The following TTC28 variants were observed in gnomAD, a reference collection of about 807,000 sequenced individuals.
TTC28 encodes the protein tetratricopeptide repeat protein 28.
In TTC28, 61 loss-of-function variants were observed where a neutral mutation model predicts 198.0. The ratio of observed to expected loss-of-function variants is 0.31; its 90% CI spans 0.25 to 0.38. The LOEUF (loss-of-function observed/expected upper bound fraction) is 0.38. TTC28 is among the 10% of genes least tolerant of loss of function. The probability of loss-of-function intolerance (pLI) is 1.00; values close to 1 mark genes in which losing one functional copy is unlikely to be tolerated. For synonymous variants in TTC28, 1,171 were observed against 1,297.8 expected, an observed-to-expected ratio of 0.90 and a Z score of 2.10; for missense variants, 2,678 against 3,164.0, an observed-to-expected ratio of 0.85 and a Z score of 3.69.
intron 6 of TTC28, among the ~76,000 whole-genome samples, chr22:28,149,620 C>G (rs775011538): frequency 1.3e-5 from 2 of 152,164 alleles, no homozygotes; most frequent in Admixed American, 6.5e-5. Flanking sequence ...TCATCAATAT[C>G]ATTGCTTCCA....
chr22:28,005,031 C>A lies in TTC28; in HGVS notation c.4219-3478G>T, dbSNP rs999147788. ...CAACTACCAGAGTCTCCAACAGATTCCATCAAAGACTCAGATGTTCTGACC... is the reference window on the plus strand; with the variant it reads ...CAACTACCAGAGTCTCCAACAGATTACATCAAAGACTCAGATGTTCTGACC... On this transcript the variant is annotated intron_variant, in intron 14 of 22. Transcript: ENST00000397906. This position sits in a 1 kb window ranked among gnomAD's most constrained non-coding sequence, Gnocchi z 4.9. 6.6e-6 allele frequency among the ~76,000 whole-genome samples: 1 copy of A among 152,182 alleles called. No individual in the cohort carries two copies. The highest frequency in any genetic ancestry group is 1.5e-5 in the Non-Finnish European group (1 of 68,028).
chr22:28,042,562 C>A (rs944347808), intron 12 of TTC28, among the ~76,000 whole-genome samples: 52 of 152,010 alleles, frequency 3.4e-4, no homozygotes, highest in African/African-American at 1.3e-3. Flanking sequence ...CAGGGAACAT[C>A]ATACACTGGG....
intron 12 of TTC28, among the ~76,000 whole-genome samples, chr22:28,038,040 C>T (rs1392160523): frequency 1.3e-5 from 2 of 152,186 alleles, no homozygotes; most frequent in Non-Finnish European, 2.9e-5. Context: ...AATGGAAGAA[C>T]ATTCCATGCT....
intron 1 of TTC28, among the ~76,000 whole-genome samples, chr22:28,655,660 G>A (rs781200354): frequency 3.9e-5 from 6 of 152,118 alleles, no homozygotes; most frequent in African/African-American, 1.4e-4. Context: ...TCAGGAGATC[G>A]TGACCACGGT....
intron 17 of TTC28, among the ~76,000 whole-genome samples, chr22:27,993,729 G>T (rs1048403702): frequency 6.6e-6 from 1 of 152,146 alleles, no homozygotes; most frequent in Non-Finnish European, 1.5e-5. Flanking sequence ...TACCATCAGA[G>T]CCCTCGAGGG....
intron 6 of TTC28, among the ~76,000 whole-genome samples, chr22:28,114,841 C>T (rs1942589334): frequency 6.6e-6 from 1 of 152,166 alleles, no homozygotes; most frequent in Non-Finnish European, 1.5e-5. Flanking sequence ...CTGCCTTGGC[C>T]TCCTAAAGCA....
chr22:28,622,055 T>A (rs1438788512), intron 2 of TTC28, among the ~76,000 whole-genome samples: 1 of 152,152 alleles, frequency 6.6e-6, no homozygotes, highest in Non-Finnish European at 1.5e-5. Context: ...CTGAAAGTAC[T>A]AACGAGTGAA....
intron 21 of TTC28, among the ~76,000 whole-genome samples, chr22:27,986,712 C>T (rs1414226724): frequency 1.3e-5 from 2 of 152,182 alleles, no homozygotes; most frequent in East Asian, 1.9e-4. Flanking sequence ...GAAACCCCTC[C>T]GTCTCTCTAT....
At chr22:28,637,411 AC>A (rs2051293190) in intron 1 of TTC28, among the ~76,000 whole-genome samples, 1 of 152,192 alleles carries the variant, frequency 6.6e-6, no homozygotes, top group African/African-American at 2.4e-5. Context: ...TTTTCCCAGG[AC>A]CATATATGTT....
intron 2 of TTC28, among the ~76,000 whole-genome samples, chr22:28,363,040 TAAG>T (rs1703213701): frequency 6.6e-6 from 1 of 152,058 alleles, no homozygotes; most frequent in African/African-American, 2.4e-5. Context: ...GAAATTTGCA[TAAG>T]TAACAAGGAT....
In TTC28 at chr22:28,108,274, T is replaced by A. The variant is rs545205650; in HGVS notation, c.1571A>T (p.Tyr524Phe). ...GRAYGNMGNAYNALGMYDQAV... is the reference protein window; with the variant it reads ...GRAYGNMGNAFNALGMYDQAV... Reference sequence around the variant, plus strand: ...CTGGTCGTACATGCCCAGGGCATTGTAGGCATTGCCCATATTCCCATAGGC... The same window carrying A: ...CTGGTCGTACATGCCCAGGGCATTGAAGGCATTGCCCATATTCCCATAGGC... Residue 524 changes from tyrosine (Y) to phenylalanine (F), a missense_variant, in exon 7 of 23, where the codon TAC becomes TTC. Coordinates refer to ENST00000397906, the MANE Select transcript of TTC28 (RefSeq NM_001145418.2). 12 of 1,549,142 alleles carry A rather than the reference T, an allele frequency of 7.7e-6. No individual in the cohort carries two copies. The East Asian group carries it at 2.7e-4, about 35-fold the overall frequency.
intron 2 of TTC28, among the ~76,000 whole-genome samples, chr22:28,606,034 A>G (rs1401488138): frequency 6.6e-6 from 1 of 152,096 alleles, no homozygotes; most frequent in Admixed American, 6.6e-5. Context: ...TAATGTATAC[A>G]TAGATCAAAA....
chr22:28,145,041 C>A (rs2146998888), intron 6 of TTC28, among the ~76,000 whole-genome samples: 1 of 152,358 alleles, frequency 6.6e-6, no homozygotes, highest in Non-Finnish European at 1.5e-5. Flanking sequence ...TGAAGCCACA[C>A]TTTCCATCAG....
At chr22:28,295,037 C>G (rs2044866394) in intron 5 of TTC28, among the ~76,000 whole-genome samples, 4 of 152,170 alleles carry the variant, frequency 2.6e-5, no homozygotes, top group African/African-American at 9.7e-5. Context: ...ATCAGATCAT[C>G]TGGCTTATAA....
At chr22:28,216,038 C>A (rs1308877396) in intron 5 of TTC28, among the ~76,000 whole-genome samples, 1 of 152,130 alleles carries the variant, frequency 6.6e-6, no homozygotes, top group Admixed American at 6.5e-5. Context: ...ATAGCAGAAC[C>A]TATAGGGCTA....
At chr22:28,393,399 G>A (rs2179063) in intron 2 of TTC28, among the ~76,000 whole-genome samples, 151,382 of 152,300 alleles carry the variant, frequency 0.99, 75,238 homozygotes, top group East Asian at 1. Flanking sequence ...TCAGAAAGAA[G>A]AGCAAAACAG....
chr22:28,149,160 T>C (rs1032962055), intron 6 of TTC28, among the ~76,000 whole-genome samples: 6 of 152,222 alleles, frequency 3.9e-5, no homozygotes, highest in African/African-American at 1.2e-4. Context: ...CTGTACAGCA[T>C]GTTGCTGTAT....
Position 28,558,702 on chromosome 22 carries a change from T to C in TTC28, c.381+70850A>G, listed in dbSNP as rs552166821. On this transcript the variant is annotated intron_variant, in intron 2 of 22. Coordinates refer to ENST00000397906, the MANE Select transcript of TTC28 (RefSeq NM_001145418.2). ...AAAAAATAAAAAAGAAAAAAAGATA[T>C]ATTGTAAATACTTCATAATAGATTA... 2.0e-3 allele frequency among the ~76,000 whole-genome samples: 302 copies of C among 149,394 alleles called. 2 individuals carry two copies. The highest frequency in any genetic ancestry group is 7.4e-3 in the Middle Eastern group (2 of 270).
At chr22:28,105,129 T>C (rs985018972) in intron 8 of TTC28, 150 bp downstream of exon 8, 28 of 789,636 alleles carry the variant, frequency 3.5e-5, no homozygotes, top group Non-Finnish European at 5.6e-5. Context: ...ACCGTGATTC[T>C]GGAGTTGAAC....
Sources: gnomAD v4.1 joint callset for allele counts (sites outside exome capture counted in the v4.1 genomes callset) on GRCh38, gnomAD v4.1.1 for gene constraint, Gnocchi (gnomAD v3.1) non-coding constraint, MANE v1.5 for transcripts, NCBI Gene and HGNC (gene_info 2026-07-23, HGNC 2026-07-21) for gene names.